Variants in CLSTN2 observed in about 807,000 individuals in gnomAD.
CLSTN2 encodes the protein calsyntenin-2.
CLSTN2 carries 48 observed loss-of-function variants against 101.2 expected under a neutral mutation model. The observed-to-expected ratio is 0.47, with a 90% CI of 0.38 to 0.60. The LOEUF (loss-of-function observed/expected upper bound fraction) is 0.60. Among genes scored for constraint, CLSTN2 ranks in the 20% least tolerant of loss-of-function variants. The pLI is 0.00. For synonymous variants in CLSTN2, 481 were observed against 463.6 expected, an observed-to-expected ratio of 1.04 and a Z score of -0.48; for missense variants, 1,160 against 1,238.2, an observed-to-expected ratio of 0.94 and a Z score of 0.95.
intron 2 of CLSTN2, among the ~76,000 whole-genome samples, chr3:140,210,756 G>A (rs1031690806): frequency 1.4e-5 from 2 of 138,378 alleles, no homozygotes; most frequent in African/African-American, 2.7e-5. Context: ...TGTTCATGCA[G>A]TGGGTTTGAA....
intron 2 of CLSTN2, among the ~76,000 whole-genome samples, chr3:140,400,834 A>G (rs772392795): frequency 3.3e-4 from 50 of 152,222 alleles, no homozygotes; most frequent in Non-Finnish European, 4.1e-4. Context: ...CTCCTGCCAC[A>G]CTGGGCCTGC....
chr3:140,401,688 G>C (rs773406774), intron 2 of CLSTN2, among the ~76,000 whole-genome samples: 1 of 152,152 alleles, frequency 6.6e-6, no homozygotes, highest in Non-Finnish European at 1.5e-5. Flanking sequence ...GCAGTGGTTG[G>C]GCACTCCAGA....
At chr3:140,060,516 C>A (rs1336763779) in intron 1 of CLSTN2, among the ~76,000 whole-genome samples, 1 of 151,346 alleles carries the variant, frequency 6.6e-6, no homozygotes, top group East Asian at 1.9e-4. Context: ...CCCTGGTCCT[C>A]AGGGGTAGCC....
chr3:140,318,109 G>A (rs946864423), intron 2 of CLSTN2, among the ~76,000 whole-genome samples: 3 of 152,190 alleles, frequency 2.0e-5, no homozygotes, highest in Non-Finnish European at 4.4e-5. Flanking sequence ...CATTGTAAAT[G>A]ATGGAGCCAC....
At chr3:140,161,515 A>AT (rs1486267843) in intron 1 of CLSTN2, among the ~76,000 whole-genome samples, 3 of 152,186 alleles carry the variant, frequency 2.0e-5, no homozygotes, top group Admixed American at 6.6e-5. Flanking sequence ...GTATCACAAA[A>AT]ATTGATGTGC....
intron 2 of CLSTN2, among the ~76,000 whole-genome samples, chr3:140,192,473 C>T (rs1158284987): frequency 1.3e-5 from 2 of 151,780 alleles, no homozygotes; most frequent in African/African-American, 2.4e-5. Context: ...TATTTTGCAG[C>T]TCTGTTGTTT....
chr3:140,441,033 C>T (rs2088758136), intron 5 of CLSTN2, among the ~76,000 whole-genome samples: 1 of 152,222 alleles, frequency 6.6e-6, no homozygotes, highest in East Asian at 1.9e-4. Context: ...TGATTCCTCA[C>T]CACCCCTGCC....
At chr3:140,044,966 A>T (rs1291472370) in intron 1 of CLSTN2, among the ~76,000 whole-genome samples, 2 of 152,196 alleles carry the variant, frequency 1.3e-5, no homozygotes, top group Non-Finnish European at 2.9e-5. Flanking sequence ...ATCGATGTTC[A>T]TCAGGGATAT....
chr3:140,283,144 C>A (rs2086864411), intron 2 of CLSTN2, among the ~76,000 whole-genome samples: 1 of 152,038 alleles, frequency 6.6e-6, no homozygotes, highest in Non-Finnish European at 1.5e-5. Flanking sequence ...AATAGAAATA[C>A]TTTATAATAT....
chr3:140,166,465 A>C (rs2107822876), intron 1 of CLSTN2, among the ~76,000 whole-genome samples: 1 of 152,332 alleles, frequency 6.6e-6, no homozygotes, highest in South Asian at 2.1e-4. Flanking sequence ...CTCAGGGAGC[A>C]GTATTGGAGT....
chr3:139,995,117 A>T (rs9812091), intron 1 of CLSTN2, among the ~76,000 whole-genome samples: 8 of 151,994 alleles, frequency 5.3e-5, no homozygotes, highest in Admixed American at 1.3e-4. Flanking sequence ...AGCCATGCCC[A>T]CGGGTCTTCT....
In CLSTN2 at chr3:140,084,579, G is replaced by A. The variant is rs764274219; in HGVS notation, c.110-91372G>A. 2.6e-4 allele frequency among the ~76,000 whole-genome samples: 39 copies of A among 152,288 alleles called. No individual in the cohort carries two copies. In the Middle Eastern group the frequency reaches 0.01, roughly 40 times the overall value. On this transcript the variant is annotated intron_variant, in intron 1 of 16. Transcript: ENST00000458420. ...AGTCTACAGACAACTGCAACAGAATGTGTTGCTGTTTTATGGTTATTTTAC... is the reference window on the plus strand; with the variant it reads ...AGTCTACAGACAACTGCAACAGAATATGTTGCTGTTTTATGGTTATTTTAC...
intron 1 of CLSTN2, among the ~76,000 whole-genome samples, chr3:140,150,933 T>A (rs1335074404): frequency 6.6e-6 from 1 of 152,080 alleles, no homozygotes; most frequent in Non-Finnish European, 1.5e-5. Context: ...AACAGGAAAG[T>A]CAAAATTGAT....
At chr3:140,002,945 A>T (rs931041482) in intron 1 of CLSTN2, among the ~76,000 whole-genome samples, 2 of 152,196 alleles carry the variant, frequency 1.3e-5, no homozygotes, top group African/African-American at 2.4e-5. Flanking sequence ...TGCCAGTACC[A>T]TGCTGTTTTG....
intron 5 of CLSTN2, among the ~76,000 whole-genome samples, chr3:140,431,633 A>G (rs1430329327): frequency 6.6e-6 from 1 of 151,848 alleles, no homozygotes; most frequent in Admixed American, 6.6e-5. Context: ...CATTTCTTCT[A>G]CATTCTTCCT....
At chr3:140,332,375 C>T (rs1411999378) in intron 2 of CLSTN2, among the ~76,000 whole-genome samples, 1 of 152,186 alleles carries the variant, frequency 6.6e-6, no homozygotes, top group East Asian at 1.9e-4. Flanking sequence ...GAGGAAAAGC[C>T]TATTAAGATG....
chr3:140,008,657 G>T (rs2007009161), intron 1 of CLSTN2, among the ~76,000 whole-genome samples: 2 of 152,154 alleles, frequency 1.3e-5, no homozygotes, highest in Non-Finnish European at 2.9e-5. Flanking sequence ...CCTCCATCAG[G>T]GCTTCCAGAG....
intron 1 of CLSTN2, among the ~76,000 whole-genome samples, chr3:139,998,661 C>G (rs2006746764): frequency 6.6e-6 from 1 of 152,050 alleles, no homozygotes; most frequent in South Asian, 2.1e-4. Context: ...GGAGAGTTCC[C>G]TAAAGTCTGC....
At position 140,575,297 on chromosome 3, in the gene CLSTN2, T is replaced by C. The variant is rs1329947745; in HGVS notation, c.*9044T>C. 1 of 152,118 alleles carries C rather than the reference T, an allele frequency of 6.6e-6. No individual in the cohort carries two copies. Among genetic ancestry groups the C allele is most frequent in the Non-Finnish European group, 1.5e-5 (1 of 68,054 alleles). The allele number at this position is 152,118 out of a possible 1,614,324, so 9.4% of individuals were successfully genotyped here. A position where few individuals can be genotyped will look rare whatever the true frequency, so the allele number is the denominator to read the frequency against. ...GTTGGAGAGGAAACAGGAGAGTGGG[T>C]ACAAGTGACAGCACCAGGAACAACC... On this transcript the variant is annotated 3_prime_UTR_variant, in exon 17 of 17. Transcript: ENST00000458420.
Sources: gnomAD v4.1 joint callset for allele counts (sites outside exome capture counted in the v4.1 genomes callset) on GRCh38, gnomAD v4.1.1 for gene constraint, MANE v1.5 for transcripts, NCBI Gene and HGNC (gene_info 2026-07-23, HGNC 2026-07-21) for gene names.